The following PLCE1 variants were observed in gnomAD, a reference collection of about 807,000 sequenced individuals.
PLCE1 encodes 1-phosphatidylinositol 4,5-bisphosphate phosphodiesterase epsilon-1.
A neutral mutation model predicts 242.8 loss-of-function variants in PLCE1; 119 were observed. The ratio of observed to expected loss-of-function variants is 0.49; its 90% CI spans 0.42 to 0.57. The LOEUF is 0.57. Ranked by LOEUF, PLCE1 falls within the 20% of genes least tolerant of loss-of-function variation. The probability of loss-of-function intolerance (pLI) is 0.00; values close to 1 mark genes in which losing one functional copy is unlikely to be tolerated. For synonymous variants in PLCE1, 945 were observed against 1,017.4 expected, an observed-to-expected ratio of 0.93 and a Z score of 1.35; for missense variants, 2,441 against 2,788.8, an observed-to-expected ratio of 0.88 and a Z score of 2.81.
chr10:94,111,753 G>A (rs1477947110), intron 2 of PLCE1, among the ~76,000 whole-genome samples: 2 of 152,144 alleles, frequency 1.3e-5, no homozygotes, highest in Non-Finnish European at 2.9e-5. Flanking sequence ...AATTTCGATG[G>A]GTAGTACTCA....
At chr10:94,258,681 A>G in intron 11 of PLCE1, 119 bp from the exon 12 acceptor site, 1 of 1,159,902 alleles carries the variant, frequency 8.6e-7, no homozygotes, top group Non-Finnish European at 1.3e-6. Context: ...AAATAGCTTC[A>G]ATCTTAAATA....
Position 94,283,921 on chromosome 10 carries a change from C to G in PLCE1, c.4917+10C>G, listed in dbSNP as rs375867724. On this transcript the variant is annotated intron_variant, in intron 21 of 32. Transcript: ENST00000371380. The stretch of plus-strand genomic sequence containing the variant: ...TTGCAACAAAGGAAAGGTGGGTGAA[C>G]GGTTTCTGTTAAATGACACTTTGAC... 5 of 1,608,602 alleles carry G rather than the reference C, an allele frequency of 3.1e-6. No homozygotes were observed. In the African/African-American group the frequency reaches 6.7e-5, roughly 22 times the overall value.
intron 32 of PLCE1, chr10:94,325,620 A>T (rs6583939): frequency 0.91 from 137,496 of 150,316 alleles, 63,104 homozygotes; most frequent in African/African-American, 0.98. Flanking sequence ...GAAAAAAAAA[A>T]ATATATATAT....
rs1589924486 is a variant in PLCE1, at chr10:94,053,232, A to C, written c.1206+20980A>C. 2.0e-5 allele frequency among the ~76,000 whole-genome samples: 3 copies of C among 152,354 alleles called. No homozygotes were observed. The East Asian group carries it at 5.8e-4, about 29-fold the overall frequency. On this transcript the variant is annotated intron_variant, in intron 2 of 32. Transcript: ENST00000371380. Reference sequence around the variant, plus strand: ...CTCAGTTTTTCTCACCTCTATAATGAGAATCATGAAAATAACACCTAATCT... The same window carrying C: ...CTCAGTTTTTCTCACCTCTATAATGCGAATCATGAAAATAACACCTAATCT...
intron 2 of PLCE1, among the ~76,000 whole-genome samples, chr10:94,102,583 C>G (rs1286770109): frequency 6.6e-6 from 1 of 152,230 alleles, no homozygotes; most frequent in African/African-American, 2.4e-5. Flanking sequence ...ACTCATGTCA[C>G]ACGTGAAGAC....
chr10:94,329,810 A>AAC lies in PLCE1; in HGVS notation c.*1870_*1871dup, dbSNP rs1200078542. On this transcript the variant is annotated 3_prime_UTR_variant, in exon 33 of 33. Coordinates refer to ENST00000371380, the MANE Select transcript of PLCE1 (RefSeq NM_016341.4). ...AAAAAAAAAAAAAAAAAAAAAAAAA[A>AAC]ACACCATACAGCTTTCATGTCATTG... 31 of 144,464 alleles carry AAC rather than the reference A, an allele frequency of 2.1e-4. No homozygotes were observed. Among genetic ancestry groups the AAC allele is most frequent in the African/African-American group, 8.0e-4 (31 of 38,932 alleles). The allele number at this position is 144,464 out of a possible 1,614,324, so 8.9% of individuals were successfully genotyped here.
rs547752705 is a variant in PLCE1 at position 94,193,955 on chromosome 10, T to C, written c.1809+22459T>C. 6.7e-4 allele frequency among the ~76,000 whole-genome samples: 102 copies of C among 152,350 alleles called. 1 individual carries two copies. Among genetic ancestry groups the C allele is most frequent in the African/African-American group, 2.4e-3 (99 of 41,568 alleles). On this transcript the variant is annotated intron_variant, in intron 4 of 32. Transcript: ENST00000371380. ...AGAAAGTGTAGAATGAAATTGTCTT[T>C]TTTTAAAGCATTTTTTTATTACATT...
intron 2 of PLCE1, among the ~76,000 whole-genome samples, chr10:94,043,059 A>G (rs1589904520): frequency 6.6e-6 from 1 of 152,172 alleles, no homozygotes; most frequent in Non-Finnish European, 1.5e-5. Flanking sequence ...CTACTTCACA[A>G]GGTTGTGAGG....
chr10:94,218,903 T>TTAA (rs1554886672), intron 4 of PLCE1, among the ~76,000 whole-genome samples: 1 of 146,110 alleles, frequency 6.8e-6, no homozygotes, highest in African/African-American at 2.5e-5. Context: ...TATATAATTA[T>TTAA]AAAAAATCTG....
chr10:94,003,201 T>A lies in PLCE1; in HGVS notation c.-365+8943T>A, dbSNP rs1182151512. ...ACTGAGTGAAGATAATAGACTGTTT[T>A]ATTTTACTCCTGATTTTAATGGAAA... On this transcript the variant is annotated intron_variant, in intron 1 of 32. Coordinates refer to ENST00000371380, the MANE Select transcript of PLCE1 (RefSeq NM_016341.4). 2.2e-4 allele frequency among the ~76,000 whole-genome samples: 34 copies of A among 152,226 alleles called. 1 individual carries two copies. The highest frequency in any genetic ancestry group is 2.2e-3 in the Admixed American group (34 of 15,284).
intron 2 of PLCE1, among the ~76,000 whole-genome samples, chr10:94,116,151 G>A (rs990801914): frequency 6.6e-6 from 1 of 151,912 alleles, no homozygotes; most frequent in East Asian, 1.9e-4. Context: ...TCTGTCTTTC[G>A]GTGATTCTGT....
chr10:94,291,545 G>A (rs2052646177), intron 22 of PLCE1, among the ~76,000 whole-genome samples: 1 of 152,134 alleles, frequency 6.6e-6, no homozygotes, highest in Non-Finnish European at 1.5e-5. Context: ...GAACAGTTAT[G>A]TATTATAGCT....
intron 20 of PLCE1, chr10:94,280,344 AGAAAG>A: frequency 5.6e-6 from 1 of 180,020 alleles, no homozygotes; most frequent in Non-Finnish European, 1.2e-5. Flanking sequence ...AGTAGTGAAA[AGAAAG>A]GAGAGGAGCC....
chr10:94,230,359 G>A lies in PLCE1; in HGVS notation c.1955+2908G>A, dbSNP rs192921282. 2.1e-3 allele frequency among the ~76,000 whole-genome samples: 325 copies of A among 152,048 alleles called. 1 individual carries two copies. Among genetic ancestry groups the A allele is most frequent in the Admixed American group, 3.8e-3 (58 of 15,268 alleles). Reference sequence around the variant, plus strand: ...TTTTTTTTTTAAACGGAGCCTCACCGTGTCGCCCAGGCTGGAGTGCAGTGG... The same window carrying A: ...TTTTTTTTTTAAACGGAGCCTCACCATGTCGCCCAGGCTGGAGTGCAGTGG... On this transcript the variant is annotated intron_variant, in intron 5 of 32. Transcript: ENST00000371380.
intron 4 of PLCE1, among the ~76,000 whole-genome samples, chr10:94,191,472 T>C (rs1185161542): frequency 6.6e-6 from 1 of 151,930 alleles, no homozygotes; most frequent in Non-Finnish European, 1.5e-5. Flanking sequence ...CGAGACCCGG[T>C]CTCTACAAAT....
At position 94,329,408 on chromosome 10, in the gene PLCE1, T is replaced by C. The variant is rs971208390; in HGVS notation, c.*1465T>C. The C allele has an allele frequency of 1.3e-5, 2 of 152,138 alleles. No individual in the cohort carries two copies. The highest frequency in any genetic ancestry group is 2.9e-5 in the Non-Finnish European group (2 of 68,026). 9.4% of individuals were successfully genotyped at this position (152,138 alleles called of 1,614,324 possible). On this transcript the variant is annotated 3_prime_UTR_variant, in exon 33 of 33. Coordinates refer to ENST00000371380, the MANE Select transcript of PLCE1 (RefSeq NM_016341.4). ...CTAAAACTCACTCCTAAACTTCACT[T>C]TGAGAAACTTTTTTAACCAATTATA... is the stretch of plus-strand genomic sequence containing the variant.
At chr10:94,114,474 G>A (rs1402476163) in intron 2 of PLCE1, among the ~76,000 whole-genome samples, 3 of 152,130 alleles carry the variant, frequency 2.0e-5, no homozygotes, top group Non-Finnish European at 4.4e-5. Context: ...CATTCCCCTT[G>A]ACCTTTCCAC....
At chr10:94,305,939 T>G (rs897435451) in intron 25 of PLCE1, among the ~76,000 whole-genome samples, 1 of 152,144 alleles carries the variant, frequency 6.6e-6, no homozygotes, top group Admixed American at 6.6e-5. Flanking sequence ...GCTTTTCATA[T>G]GATTCCAGTC....
At position 94,171,188 on chromosome 10, in the gene PLCE1, C is replaced by A. The variant is rs1237728742; in HGVS notation, c.1501C>A (p.Pro501Thr). 4 of 1,613,976 alleles carry A rather than the reference C, an allele frequency of 2.5e-6. No homozygotes were observed. The South Asian group carries it at 3.3e-5, about 13-fold the overall frequency. Reference protein sequence around the residue: ...TGRMMLKERQPGPSVANSNAL... With the variant: ...TGRMMLKERQTGPSVANSNAL... ...CTGTTGCTTTGTTTTAGAACGCCAG[C>A]CAGGCCCCTCTGTGGCCAATTCCAA... is the stretch of plus-strand genomic sequence containing the variant. The change falls in exon 4 of 33, where the codon CCA (proline) becomes ACA (threonine). Residue 501 changes from proline to threonine, a missense_variant. Pro to Thr is a conservative substitution (Grantham distance 38). Coordinates refer to ENST00000371380, the MANE Select transcript of PLCE1 (RefSeq NM_016341.4).
Sources: gnomAD v4.1 joint callset for allele counts (sites outside exome capture counted in the v4.1 genomes callset) on GRCh38, gnomAD v4.1.1 for gene constraint, MANE v1.5 for transcripts, NCBI Gene and HGNC (gene_info 2026-07-23, HGNC 2026-07-21) for gene names.